The following NOX4 variants were observed in gnomAD, a reference collection of about 807,000 sequenced individuals.
NOX4 encodes kidney oxidase-1.
NOX4 carries 69 observed loss-of-function variants against 87.6 expected under a neutral mutation model. That is an observed-to-expected ratio of 0.79 (90% CI 0.65 to 0.96). The LOEUF is 0.96. Ranked by LOEUF, NOX4 falls within the 40% of genes least tolerant of loss-of-function variation. The pLI, the probability that NOX4 is intolerant of heterozygous loss-of-function variation, is 0.00. For missense variants in NOX4, 680 were observed against 681.5 expected, an observed-to-expected ratio of 1.00 and a Z score of 0.02; for synonymous variants, 275 against 238.2, an observed-to-expected ratio of 1.15 and a Z score of -1.42.
chr11:89,399,803 A>G (rs558401746), intron 11 of NOX4, among the ~76,000 whole-genome samples: 32 of 151,902 alleles, frequency 2.1e-4, no homozygotes, highest in African/African-American at 6.5e-4. Context: ...GTTTTAATTC[A>G]TTACTTCCTG....
chr11:89,430,540 A>T, intron 7 of NOX4, among the ~76,000 whole-genome samples: 1 of 152,170 alleles, frequency 6.6e-6, no homozygotes, highest in African/African-American at 2.4e-5. Context: ...AAAAATCACA[A>T]GCATTCTTAT....
At chr11:89,475,044 TC>T (rs1946106780) in intron 2 of NOX4, among the ~76,000 whole-genome samples, 1 of 147,386 alleles carries the variant, frequency 6.8e-6, no homozygotes. Context: ...TTTTATTTAT[TC>T]AGTGAAATAT....
the NOX4 span, among the ~76,000 whole-genome samples, chr11:89,553,497 C>A: frequency 6.6e-6 from 1 of 152,098 alleles, no homozygotes; most frequent in Non-Finnish European, 1.5e-5. Flanking sequence ...TTCTTTATAG[C>A]AGTGTGAAAA....
chr11:89,518,906 A>G, the NOX4 span, among the ~76,000 whole-genome samples: 1 of 152,026 alleles, frequency 6.6e-6, no homozygotes, highest in African/African-American at 2.4e-5. Context: ...TTATGATAAA[A>G]AAATCACTGA....
intron 6 of NOX4, among the ~76,000 whole-genome samples, chr11:89,440,482 C>A (rs1299434613): frequency 6.6e-6 from 1 of 151,738 alleles, no homozygotes; most frequent in Non-Finnish European, 1.5e-5. Context: ...ACCCACCATG[C>A]CCGGCTAATT....
At chr11:89,358,530 C>T (rs1166451206) in intron 12 of NOX4, among the ~76,000 whole-genome samples, 1 of 149,890 alleles carries the variant, frequency 6.7e-6, no homozygotes, top group Non-Finnish European at 1.5e-5. Flanking sequence ...TAAATGTGAA[C>T]AATTAATTTT....
the NOX4 span, among the ~76,000 whole-genome samples, chr11:89,517,651 T>C: frequency 6.6e-6 from 1 of 151,682 alleles, no homozygotes; most frequent in African/African-American, 2.4e-5. Flanking sequence ...TTTTCAATTT[T>C]AAAAACATTT....
chr11:89,423,158 C>T (rs533950600), intron 7 of NOX4, among the ~76,000 whole-genome samples: 29 of 152,142 alleles, frequency 1.9e-4, no homozygotes, highest in Non-Finnish European at 3.4e-4. Flanking sequence ...AGGGATACAC[C>T]TTTTTAATGC....
At chr11:89,515,153 G>A in the NOX4 span, among the ~76,000 whole-genome samples, 1 of 151,880 alleles carries the variant, frequency 6.6e-6, no homozygotes, top group Non-Finnish European at 1.5e-5. Flanking sequence ...TAAGCCATTT[G>A]GTTCATAAAA....
intron 2 of NOX4, among the ~76,000 whole-genome samples, chr11:89,472,969 C>T (rs1307543897): frequency 6.6e-6 from 1 of 152,180 alleles, no homozygotes; most frequent in Non-Finnish European, 1.5e-5. Context: ...ACACTGCCTT[C>T]ACTTTTCCTT....
At position 89,432,872 on chromosome 11, in the gene NOX4, C is replaced by T. The variant is rs767569861; in HGVS notation, c.476-16G>A. ...AGGCCAGGAACTATAAAAATGTATACAAGTAGGTTTTTACTTAAATCATAG... is the reference window on the plus strand; with the variant it reads ...AGGCCAGGAACTATAAAAATGTATATAAGTAGGTTTTTACTTAAATCATAG... On this transcript the variant is annotated splice_polypyrimidine_tract_variant and intron_variant, in intron 6 of 17. Coordinates refer to ENST00000263317, the MANE Select transcript of NOX4 (RefSeq NM_016931.5). 1.3e-6 allele frequency: 2 copies of T among 1,569,906 alleles called. No individual in the cohort carries two copies. The highest frequency in any genetic ancestry group is 1.8e-6 in the Non-Finnish European group (2 of 1,142,092).
At chr11:89,422,205 AATAAAGACACATGGAAATAAT>A (rs1565267673) in intron 7 of NOX4, among the ~76,000 whole-genome samples, 1 of 152,198 alleles carries the variant, frequency 6.6e-6, no homozygotes, top group African/African-American at 2.4e-5. Flanking sequence ...TTGTATTTCA[AATAAAGACACATGGAAATAAT>A]AAAAATAAGT....
At chr11:89,393,877 C>G (rs1486021892) in intron 11 of NOX4, among the ~76,000 whole-genome samples, 1 of 152,234 alleles carries the variant, frequency 6.6e-6, no homozygotes, top group Non-Finnish European at 1.5e-5. Flanking sequence ...TGAATAGTTA[C>G]TACTATTTTA....
chr11:89,514,081 G>A, the NOX4 span, among the ~76,000 whole-genome samples: 6 of 152,008 alleles, frequency 3.9e-5, no homozygotes, highest in South Asian at 2.1e-4. Flanking sequence ...AGCACAGAAC[G>A]AAATAAGACA....
intron 2 of NOX4, among the ~76,000 whole-genome samples, chr11:89,457,773 T>C (rs1945271183): frequency 6.6e-6 from 1 of 151,872 alleles, no homozygotes; most frequent in Non-Finnish European, 1.5e-5. Context: ...GTGTTCAAGC[T>C]GAGAGCCAAA....
In NOX4 at chr11:89,490,573, G is replaced by A; in HGVS notation, c.58-20C>T. 1 of 1,591,718 alleles carries A rather than the reference G, an allele frequency of 6.3e-7. No homozygotes were observed. The highest frequency in any genetic ancestry group is 1.3e-5 in the African/African-American group (1 of 74,542). On this transcript the variant is annotated intron_variant, in intron 1 of 17. Transcript: ENST00000263317. Reference sequence around the variant, plus strand: ...GATGAACTAAACCAATCAGACATGAGAGACAGAAAACAAAAATTGAAAATA... The same window carrying A: ...GATGAACTAAACCAATCAGACATGAAAGACAGAAAACAAAAATTGAAAATA...
intron 8 of NOX4, among the ~76,000 whole-genome samples, chr11:89,417,506 T>C (rs913922619): frequency 6.6e-6 from 1 of 152,146 alleles, no homozygotes; most frequent in Non-Finnish European, 1.5e-5. Flanking sequence ...TTTGCAAAGA[T>C]AAACCTTTAT....
upstream of NOX4, among the ~76,000 whole-genome samples, chr11:89,502,549 T>C (rs319017): frequency 0.86 from 131,010 of 151,936 alleles, 56,867 homozygotes; most frequent in Non-Finnish European, 0.92. Flanking sequence ...AAGGTCCCTG[T>C]TAGCCAAGAA....
rs1314774187 is a variant in NOX4, at chr11:89,355,066, C to G, written c.1136-23G>C. On this transcript the variant is annotated intron_variant, in intron 12 of 17. Transcript: ENST00000263317. Reference sequence around the variant, plus strand: ...GTTCTGTCAAAAGAAAAATAAACATCAAGCTGTGAAAAGATAAAAGTCATG... The same window carrying G: ...GTTCTGTCAAAAGAAAAATAAACATGAAGCTGTGAAAAGATAAAAGTCATG... The G allele has an allele frequency of 4.0e-6, 6 of 1,505,374 alleles. No homozygotes were observed. In the African/African-American group the frequency reaches 8.3e-5, roughly 21 times the overall value. 93.3% of individuals were successfully genotyped at this position (1,505,374 alleles called of 1,614,324 possible). A position where few individuals can be genotyped will look rare whatever the true frequency, so the allele number is the denominator to read the frequency against.
Sources: allele counts gnomAD v4.1 joint callset (sites outside exome capture counted in the v4.1 genomes callset), GRCh38; gene constraint gnomAD v4.1.1; transcripts MANE v1.5; gene names NCBI Gene and HGNC (gene_info 2026-07-23, HGNC 2026-07-21).